The following WWP2 variants were observed in gnomAD, a reference collection of about 807,000 sequenced individuals.
WWP2 encodes the protein WW domain containing E3 ubiquitin protein ligase 2, also known as NEDD4-like E3 ubiquitin-protein ligase WWP2.
Under a neutral mutation model 121.0 loss-of-function variants are expected in WWP2, and 57 were observed. That is an observed-to-expected ratio of 0.47 (90% CI 0.38 to 0.59). The LOEUF is 0.59. Ranked by LOEUF, WWP2 falls within the 20% of genes least tolerant of loss-of-function variation. The pLI, the probability that WWP2 is intolerant of heterozygous loss-of-function variation, is 0.00. For synonymous variants in WWP2, 449 were observed against 441.3 expected, an observed-to-expected ratio of 1.02 and a Z score of -0.22; for missense variants, 962 against 1,158.9, an observed-to-expected ratio of 0.83 and a Z score of 2.47.
rs2058786361 is a variant in WWP2, at chr16:69,935,676, T to G, written c.1843-177T>G. On this transcript the variant is annotated intron_variant, in intron 17 of 23. Coordinates refer to ENST00000359154, the MANE Select transcript of WWP2 (RefSeq NM_001270454.2). This position sits in a 1 kb window ranked among gnomAD's most constrained non-coding sequence, Gnocchi z 5.2. ...GTCCCTCTGTAGGTACAAGTCAGGA[T>G]AAAGGCGTTGTTTACTCCTGAGGCC... Among the ~76,000 whole-genome samples, 1 of 152,174 alleles carries G rather than the reference T, an allele frequency of 6.6e-6. No individual in the cohort carries two copies. The highest frequency in any genetic ancestry group is 2.4e-5 in the African/African-American group (1 of 41,446).
chr16:69,835,226 A>C (rs2056853864), intron 4 of WWP2, among the ~76,000 whole-genome samples: 1 of 152,200 alleles, frequency 6.6e-6, no homozygotes, highest in Non-Finnish European at 1.5e-5. Flanking sequence ...GTGAAAACAG[A>C]GGGCCCCAGA....
At chr16:69,933,818 T>C in intron 16 of WWP2, 152 bp from the exon 17 acceptor site, 1 of 807,630 alleles carries the variant, frequency 1.2e-6, no homozygotes, top group Non-Finnish European at 1.9e-6. Context: ...GCTGTTCATA[T>C]AGGTTAGCCC....
At chr16:69,871,973 G>T in intron 7 of WWP2, 42 bp downstream of exon 7, 1 of 1,592,736 alleles carries the variant, frequency 6.3e-7, no homozygotes, top group South Asian at 1.1e-5. Context: ...TGAAGCTGTG[G>T]GCTCTCACCC....
intron 10 of WWP2, among the ~76,000 whole-genome samples, chr16:69,924,591 GT>G (rs1707316675): frequency 2.6e-5 from 4 of 151,924 alleles, no homozygotes; most frequent in Admixed American, 2.6e-4. Context: ...TGGAGGGGGT[GT>G]GGGGGGGATT....
chr16:69,897,332 G>C (rs1244379009), intron 8 of WWP2, among the ~76,000 whole-genome samples: 1 of 152,046 alleles, frequency 6.6e-6, no homozygotes, highest in Non-Finnish European at 1.5e-5. Context: ...TGAACTCCTG[G>C]GCTCAAGCAA....
intron 1 of WWP2, among the ~76,000 whole-genome samples, chr16:69,767,513 G>C (rs2038757784): frequency 2.0e-5 from 3 of 152,170 alleles, no homozygotes. Context: ...AGTCCCTTAG[G>C]ACTATTATGT....
At chr16:69,779,098 C>T (rs918589479) in intron 1 of WWP2, among the ~76,000 whole-genome samples, 12 of 151,766 alleles carry the variant, frequency 7.9e-5, no homozygotes, top group Non-Finnish European at 7.4e-5. Context: ...TACAGGTGCC[C>T]GCCACCACAC....
intron 7 of WWP2, among the ~76,000 whole-genome samples, chr16:69,885,144 C>CACACACACA (rs766923825): frequency 0.034 from 5,020 of 148,708 alleles, 115 homozygotes; most frequent in Non-Finnish European, 0.051. Flanking sequence ...CACACACATT[C>CACACACACA]TTCTTCTTTA....
intron 6 of WWP2, among the ~76,000 whole-genome samples, chr16:69,864,865 G>A (rs1426813190): frequency 6.6e-6 from 1 of 151,980 alleles, no homozygotes; most frequent in Non-Finnish European, 1.5e-5. Flanking sequence ...GCCTGCCTCG[G>A]CCTCCCAAAG....
intron 8 of WWP2, among the ~76,000 whole-genome samples, chr16:69,901,164 C>T (rs919565963): frequency 2.0e-5 from 3 of 152,132 alleles, no homozygotes; most frequent in Admixed American, 1.3e-4. Flanking sequence ...AGAAATAAAT[C>T]TTATGGTTCT....
intron 4 of WWP2, among the ~76,000 whole-genome samples, chr16:69,810,553 G>A (rs150645041): frequency 0.019 from 2,896 of 150,650 alleles, 206 homozygotes; most frequent in Admixed American, 0.14. Context: ...TCAGCCTCCC[G>A]AGTAGCTGGG....
At chr16:69,909,265 A>G (rs187328010) in intron 9 of WWP2, 150 of 991,528 alleles carry the variant, frequency 1.5e-4, no homozygotes, top group Admixed American at 1.2e-3. Flanking sequence ...CCTGTCTGCC[A>G]GGGACAGAAA....
chr16:69,908,715 G>T lies in WWP2; in HGVS notation c.915-46G>T. 3 of 1,612,328 alleles carry T rather than the reference G, an allele frequency of 1.9e-6. No homozygotes were observed. In the South Asian group the frequency reaches 3.3e-5, roughly 18 times the overall value. On this transcript the variant is annotated intron_variant, in intron 8 of 23. Transcript: ENST00000359154. ...GTCTTCCTTTCTAACAGGGGCCTAT[G>T]CCTTTCCACTGTGTGTCTCATGCTA...
intron 8 of WWP2, among the ~76,000 whole-genome samples, chr16:69,889,993 TG>T (rs1404759298): frequency 6.6e-6 from 1 of 152,160 alleles, no homozygotes; most frequent in Non-Finnish European, 1.5e-5. Flanking sequence ...CTCACTCTGT[TG>T]CCCAGGCTGG....
chr16:69,808,509 C>A (rs2056325947), intron 4 of WWP2, among the ~76,000 whole-genome samples: 1 of 152,184 alleles, frequency 6.6e-6, no homozygotes, highest in South Asian at 2.1e-4. Context: ...TCAAGCAGTT[C>A]TCCTGCTTCA....
At chr16:69,919,592 T>C (rs1441529428) in intron 10 of WWP2, among the ~76,000 whole-genome samples, 3 of 152,150 alleles carry the variant, frequency 2.0e-5, no homozygotes, top group Admixed American at 6.5e-5. Context: ...TCCATCCCAT[T>C]AGAGGGTCCA....
At chr16:69,920,950 C>T (rs1221415923) in intron 10 of WWP2, among the ~76,000 whole-genome samples, 2 of 152,126 alleles carry the variant, frequency 1.3e-5, no homozygotes, top group Non-Finnish European at 2.9e-5. Context: ...TTCCTTCCTG[C>T]CTGCCTCTCT....
intron 1 of WWP2, among the ~76,000 whole-genome samples, chr16:69,765,819 G>A (rs530087910): frequency 4.6e-5 from 7 of 152,184 alleles, no homozygotes; most frequent in East Asian, 1.9e-4. Flanking sequence ...GTGAGACTCC[G>A]TCTTGCTTTT....
intron 7 of WWP2, among the ~76,000 whole-genome samples, chr16:69,884,788 C>T (rs989441445): frequency 6.6e-6 from 1 of 152,108 alleles, no homozygotes; most frequent in African/African-American, 2.4e-5. Flanking sequence ...GGGAAAGAAG[C>T]AAGCATTTCT....
Sources: gnomAD v4.1 joint callset for allele counts (sites outside exome capture counted in the v4.1 genomes callset) on GRCh38, gnomAD v4.1.1 for gene constraint, Gnocchi (gnomAD v3.1) non-coding constraint, MANE v1.5 for transcripts, NCBI Gene and HGNC (gene_info 2026-07-23, HGNC 2026-07-21) for gene names.